The following AKAP13 variants were observed in gnomAD, a reference collection of about 807,000 sequenced individuals.
AKAP13 encodes A-kinase anchoring protein 13.
Under a neutral mutation model 264.5 loss-of-function variants are expected in AKAP13, and 80 were observed. The observed-to-expected ratio is 0.30, with a 90% CI of 0.25 to 0.36. The LOEUF (loss-of-function observed/expected upper bound fraction) is 0.36. Among genes scored for constraint, AKAP13 ranks in the 10% least tolerant of loss-of-function variants. The pLI, the probability that AKAP13 is intolerant of heterozygous loss-of-function variation, is 1.00. For synonymous variants in AKAP13, 1,380 were observed against 1,250.2 expected (o/e 1.10, Z -2.19); for missense variants, 3,712 against 3,435.2 (o/e 1.08, Z -2.01).
At chr15:85,710,336 AATGCC>A (rs998252597) in intron 18 of AKAP13, 10 of 390,460 alleles carry the variant, frequency 2.6e-5, no homozygotes, top group African/African-American at 2.0e-4. Flanking sequence ...AAAGGGGAAG[AATGCC>A]ATGCTTCTGA....
chr15:85,508,360 C>G (rs542104850), intron 2 of AKAP13, among the ~76,000 whole-genome samples: 2 of 152,000 alleles, frequency 1.3e-5, no homozygotes, highest in South Asian at 2.1e-4. Context: ...CCAGGCTGGT[C>G]TTGAACTCCT....
intron 16 of AKAP13, 165 bp downstream of exon 16, chr15:85,685,038 A>G (rs1346649304): frequency 3.5e-6 from 3 of 861,184 alleles, no homozygotes; most frequent in Non-Finnish European, 5.1e-6. Flanking sequence ...GAAGAAAAAT[A>G]GCAAGAAGTG....
At chr15:85,549,637 A>C (rs922041587) in intron 5 of AKAP13, among the ~76,000 whole-genome samples, 2 of 152,194 alleles carry the variant, frequency 1.3e-5, no homozygotes, top group African/African-American at 2.4e-5. Context: ...AAAATTGTAG[A>C]GCTACTGTTA....
intron 13 of AKAP13, among the ~76,000 whole-genome samples, chr15:85,667,512 T>C (rs1460406456): frequency 6.6e-6 from 1 of 152,126 alleles, no homozygotes; most frequent in Non-Finnish European, 1.5e-5. Flanking sequence ...TAAGGGTAAA[T>C]AAACAGTGAA....
chr15:85,557,743 T>C (rs1411649908), intron 5 of AKAP13, among the ~76,000 whole-genome samples: 1 of 152,206 alleles, frequency 6.6e-6, no homozygotes, highest in African/African-American at 2.4e-5. Context: ...CCTAAAATGC[T>C]GGATTACAGG....
intron 8 of AKAP13, among the ~76,000 whole-genome samples, chr15:85,615,287 G>A (rs74025638): frequency 0.015 from 2,282 of 152,260 alleles, 29 homozygotes; most frequent in Non-Finnish European, 0.022. Context: ...AAAAGAAATG[G>A]TGGTTATAGC....
intron 1 of AKAP13, among the ~76,000 whole-genome samples, chr15:85,391,246 T>C (rs1467308104): frequency 6.6e-6 from 1 of 152,212 alleles, no homozygotes; most frequent in African/African-American, 2.4e-5. Flanking sequence ...TGAAAACTTT[T>C]CTTCTCTAAG....
intron 1 of AKAP13, among the ~76,000 whole-genome samples, chr15:85,394,037 A>G (rs1440484780): frequency 1.3e-5 from 2 of 152,246 alleles, no homozygotes; most frequent in Non-Finnish European, 2.9e-5. Context: ...GTGGATGGAC[A>G]TTAATAATTA....
At chr15:85,473,220 G>C (rs1650209460) in intron 1 of AKAP13, among the ~76,000 whole-genome samples, 1 of 152,210 alleles carries the variant, frequency 6.6e-6, no homozygotes, top group Non-Finnish European at 1.5e-5. Flanking sequence ...TAAAGCTACT[G>C]CTTTGCAGGT....
At chr15:85,700,129 A>T (rs2085823902) in intron 17 of AKAP13, among the ~76,000 whole-genome samples, 1 of 152,178 alleles carries the variant, frequency 6.6e-6, no homozygotes, top group African/African-American at 2.4e-5. Flanking sequence ...CTAGGTTACA[A>T]ATAGTTGAAA....
chr15:85,731,130 A>G (rs2087988213), intron 30 of AKAP13, among the ~76,000 whole-genome samples: 1 of 146,242 alleles, frequency 6.8e-6, no homozygotes, highest in Non-Finnish European at 1.5e-5. Context: ...TCAGCCACCC[A>G]AGTAGCTTGG....
chr15:85,509,074 G>C (rs952913768), intron 2 of AKAP13, among the ~76,000 whole-genome samples: 2 of 152,120 alleles, frequency 1.3e-5, no homozygotes, highest in Non-Finnish European at 2.9e-5. Flanking sequence ...GCTCCATGAG[G>C]GCAAAGGGCC....
intron 26 of AKAP13, among the ~76,000 whole-genome samples, chr15:85,725,154 T>C (rs1017857704): frequency 2.6e-5 from 4 of 152,226 alleles, no homozygotes; most frequent in Admixed American, 2.0e-4. Flanking sequence ...AATAAAGTTG[T>C]GGTCAAGCCA....
At position 85,565,110 on chromosome 15, in the gene AKAP13, A is replaced by G. The variant is rs139381478; in HGVS notation, c.663-10021A>G. Reference sequence around the variant, plus strand: ...AAAGTCTGTTTTGAAATCGGGTTGAATGTGAAAATCTAAGAGACTTTAACA... The same window carrying G: ...AAAGTCTGTTTTGAAATCGGGTTGAGTGTGAAAATCTAAGAGACTTTAACA... On this transcript the variant is annotated intron_variant, in intron 5 of 36. Coordinates refer to ENST00000394518, the MANE Select transcript of AKAP13 (RefSeq NM_007200.5). Among the ~76,000 whole-genome samples, 965 of 152,350 alleles carry G rather than the reference A, an allele frequency of 6.3e-3. 11 individuals carry two copies. Among genetic ancestry groups the G allele is most frequent in the African/African-American group, 0.022 (904 of 41,564 alleles).
intron 8 of AKAP13, among the ~76,000 whole-genome samples, chr15:85,590,069 G>C (rs1280303510): frequency 2.6e-5 from 4 of 152,268 alleles, no homozygotes; most frequent in African/African-American, 9.6e-5. Context: ...TGGCATTTGT[G>C]TAATATTTAA....
chr15:85,742,086 G>A (rs2089052900), intron 35 of AKAP13, among the ~76,000 whole-genome samples: 2 of 152,214 alleles, frequency 1.3e-5, no homozygotes, highest in African/African-American at 4.8e-5. Context: ...CCCCGAAAGA[G>A]AGGCAGAGGC....
At position 85,651,877 on chromosome 15, in the gene AKAP13, A is replaced by T. The variant is rs573539951; in HGVS notation, c.4375-3540A>T. On this transcript the variant is annotated intron_variant, in intron 10 of 36. Coordinates refer to ENST00000394518, the MANE Select transcript of AKAP13 (RefSeq NM_007200.5). ...AGAAATACCTAGGATTCGAATTCTT[A>T]GATTATATGGTAGGTATAGGTTTAG... is the stretch of plus-strand genomic sequence containing the variant. Among the ~76,000 whole-genome samples, 7 of 152,326 alleles carry T rather than the reference A, an allele frequency of 4.6e-5. No individual in the cohort carries two copies. The South Asian group carries it at 1.5e-3, about 32-fold the overall frequency.
intron 33 of AKAP13, among the ~76,000 whole-genome samples, chr15:85,736,421 TTTTGTTTG>T (rs145901490): frequency 0.048 from 6,892 of 143,544 alleles, 364 homozygotes; most frequent in East Asian, 0.23. Context: ...CTTGCTGTTT[TTTTGTTTG>T]TTTGTTTGTT....
intron 2 of AKAP13, among the ~76,000 whole-genome samples, chr15:85,511,152 A>C (rs559291889): frequency 6.6e-6 from 1 of 152,278 alleles, no homozygotes; most frequent in South Asian, 2.1e-4. Flanking sequence ...TTAATGCTGC[A>C]AGACTTTTAT....
Sources: allele counts gnomAD v4.1 joint callset (sites outside exome capture counted in the v4.1 genomes callset), GRCh38; gene constraint gnomAD v4.1.1; transcripts MANE v1.5; gene names NCBI Gene and HGNC (gene_info 2026-07-23, HGNC 2026-07-21).